Variants in KIF13B observed in about 807,000 individuals in gnomAD.
The protein encoded by KIF13B is kinesin family member 13B.
KIF13B carries 127 observed loss-of-function variants against 222.0 expected under a neutral mutation model. That is an observed-to-expected ratio of 0.57 (90% CI 0.50 to 0.66). KIF13B has a LOEUF of 0.66. Among genes scored for constraint, KIF13B ranks in the 30% least tolerant of loss-of-function variants. The pLI, the probability that KIF13B is intolerant of heterozygous loss-of-function variation, is 0.00. For synonymous variants in KIF13B, 976 were observed against 919.0 expected (o/e 1.06, Z -1.12); for missense variants, 2,173 against 2,379.0 (o/e 0.91, Z 1.80).
chr8:29,228,670 G>T (rs1325485557), intron 2 of KIF13B, among the ~76,000 whole-genome samples: 2 of 151,832 alleles, frequency 1.3e-5, no homozygotes, highest in Non-Finnish European at 2.9e-5. Flanking sequence ...TCTGGGGAAG[G>T]TGCTTGTCTG....
chr8:29,215,624 C>T (rs965516970), intron 2 of KIF13B, among the ~76,000 whole-genome samples: 2 of 152,112 alleles, frequency 1.3e-5, no homozygotes, highest in South Asian at 2.1e-4. Flanking sequence ...CCTAGTAGGT[C>T]GAGGCTGCAG....
intron 2 of KIF13B, among the ~76,000 whole-genome samples, chr8:29,240,180 G>A (rs1815705747): frequency 6.6e-6 from 1 of 151,178 alleles, no homozygotes; most frequent in South Asian, 2.1e-4. Flanking sequence ...TATTTTATAA[G>A]AATAGTGAAA....
At chr8:29,150,267 T>C in intron 15 of KIF13B, 30 bp downstream of exon 15, 1 of 1,215,574 alleles carries the variant, frequency 8.2e-7, no homozygotes, top group Non-Finnish European at 1.2e-6. Context: ...TCTTCAACAA[T>C]CTCTTTAAGG....
At chr8:29,207,746 T>C (rs1169497944) in intron 2 of KIF13B, among the ~76,000 whole-genome samples, 1 of 152,166 alleles carries the variant, frequency 6.6e-6, no homozygotes, top group Non-Finnish European at 1.5e-5. Flanking sequence ...CTTTTCTCTA[T>C]AGAAGAGACC....
At chr8:29,191,272 A>C (rs1813171871) in intron 3 of KIF13B, among the ~76,000 whole-genome samples, 1 of 152,232 alleles carries the variant, frequency 6.6e-6, no homozygotes, top group African/African-American at 2.4e-5. Context: ...ATGTGTAATA[A>C]AATGGCTATT....
Position 29,180,202 on chromosome 8 carries a change from G to A in KIF13B, c.622C>T (p.Arg208Cys), listed in dbSNP as rs769121640. 4 of 1,613,970 alleles carry A rather than the reference G, an allele frequency of 2.5e-6. No individual in the cohort carries two copies. Among genetic ancestry groups the A allele is most frequent in the East Asian group, 2.2e-5 (1 of 44,888 alleles). ...TTCATGTTGGTTGCAGCAACTGTGCGAGATTTGTTACCCTCAGACATCAAC... is the reference window on the plus strand; with the variant it reads ...TTCATGTTGGTTGCAGCAACTGTGCAAGATTTGTTACCCTCAGACATCAAC... ...ESLMSEGNKS[R>C]TVAATNMNEE... is the part of the protein sequence containing the mutation. The change falls in exon 8 of 40, where the codon CGC becomes TGC. Residue 208 changes from arginine to cysteine, a missense_variant. Physicochemically the swap from Arg to Cys is radical, Grantham distance 180. Around this residue, in one of 2 missense-constraint regions of KIF13B, gnomAD observed 1,480 missense variants for 1,722.8 expected, o/e 0.86. Transcript: ENST00000524189.
chr8:29,097,872 T>TA (rs959818792), intron 36 of KIF13B, among the ~76,000 whole-genome samples: 5 of 151,886 alleles, frequency 3.3e-5, no homozygotes, highest in African/African-American at 7.3e-5. Context: ...TATAAGTATT[T>TA]AAAAAATAAG....
At chr8:29,171,184 C>T (rs1239025543) in intron 10 of KIF13B, among the ~76,000 whole-genome samples, 7 of 152,152 alleles carry the variant, frequency 4.6e-5, no homozygotes, top group Non-Finnish European at 2.9e-5. Context: ...AGTTACTTCA[C>T]GTTAAGAGGC....
At chr8:29,127,440 T>A (rs1810162933) in intron 24 of KIF13B, among the ~76,000 whole-genome samples, 172 bp from the exon 25 acceptor site, 4 of 152,220 alleles carry the variant, frequency 2.6e-5, no homozygotes, top group Admixed American at 6.5e-5. Context: ...GGAAAAATCA[T>A]TTCCCTTTTA....
chr8:29,067,553 T>TA lies in KIF13B; in HGVS notation c.*2950dup, dbSNP rs1807053377. The TA allele has an allele frequency of 1.3e-5, 2 of 152,224 alleles. No homozygotes were observed. Among genetic ancestry groups the TA allele is most frequent in the African/African-American group, 2.4e-5 (1 of 41,438 alleles). The allele number at this position is 152,224 out of a possible 1,614,324, so 9.4% of individuals were successfully genotyped here. On this transcript the variant is annotated 3_prime_UTR_variant, in exon 40 of 40. Coordinates refer to ENST00000524189, the MANE Select transcript of KIF13B (RefSeq NM_015254.4). ...CTGTTCCAAGACCCCCCAACACCATTAGTGTCTGCAGCCCACCAGGAAGGC... is the reference window on the plus strand; with the variant it reads ...CTGTTCCAAGACCCCCCAACACCATTAAGTGTCTGCAGCCCACCAGGAAGGC...
chr8:29,134,995 A>G (rs1810495257), intron 21 of KIF13B, among the ~76,000 whole-genome samples: 1 of 152,190 alleles, frequency 6.6e-6, no homozygotes. Flanking sequence ...AATGCCTATA[A>G]CAGTTTCTAA....
intron 18 of KIF13B, 40 bp from the exon 19 acceptor site, chr8:29,142,343 C>T: frequency 1.9e-6 from 3 of 1,574,058 alleles, no homozygotes; most frequent in Non-Finnish European, 2.6e-6. Flanking sequence ...AACACACAGG[C>T]AGCGGGGAAG....
chr8:29,090,362 G>C (rs981620613), intron 37 of KIF13B, among the ~76,000 whole-genome samples: 1 of 152,174 alleles, frequency 6.6e-6, no homozygotes, highest in Admixed American at 6.5e-5. Context: ...AAGGAAACAG[G>C]TTTAAAAACA....
At chr8:29,141,665 T>A (rs932613463) in intron 19 of KIF13B, among the ~76,000 whole-genome samples, 1 of 152,168 alleles carries the variant, frequency 6.6e-6, no homozygotes, top group Non-Finnish European at 1.5e-5. Context: ...AAGGACAGAG[T>A]ACCAATGTAT....
At chr8:29,115,632 T>C (rs1221284472) in intron 31 of KIF13B, among the ~76,000 whole-genome samples, 1 of 152,080 alleles carries the variant, frequency 6.6e-6, no homozygotes, top group Non-Finnish European at 1.5e-5. Flanking sequence ...GGCCTTAAAT[T>C]CTTACCTAGA....
chr8:29,068,275 A>G lies in KIF13B; in HGVS notation c.*2229T>C, dbSNP rs925637007. On this transcript the variant is annotated 3_prime_UTR_variant, in exon 40 of 40. Coordinates refer to ENST00000524189, the MANE Select transcript of KIF13B (RefSeq NM_015254.4). This position sits in a 1 kb window ranked among gnomAD's most constrained non-coding sequence, Gnocchi z 4.4. ...CTGGTCAGGGAGGCAAGAAAAGAAGATAGAAGACGGAGGCCAGCCCGCCCT... is the reference window on the plus strand; with the variant it reads ...CTGGTCAGGGAGGCAAGAAAAGAAGGTAGAAGACGGAGGCCAGCCCGCCCT... 6.6e-6 allele frequency: 1 copy of G among 152,260 alleles called. No individual in the cohort carries two copies. The highest frequency in any genetic ancestry group is 1.5e-5 in the Non-Finnish European group (1 of 68,148). The allele number at this position is 152,260 out of a possible 1,614,324, so 9.4% of individuals were successfully genotyped here.
In KIF13B at chr8:29,228,372, C is replaced by T. The variant is rs570160680; in HGVS notation, c.149+16974G>A. 4.0e-3 allele frequency among the ~76,000 whole-genome samples: 606 copies of T among 150,922 alleles called. 5 individuals are homozygous for T. The highest frequency in any genetic ancestry group is 0.013 in the African/African-American group (554 of 41,136). ...ATCCCAGCTACTCAGGAGGCTGAGG[C>T]AAGAGAATAGCGTGAACCCAGGATG... On this transcript the variant is annotated intron_variant, in intron 2 of 39. Coordinates refer to ENST00000524189, the MANE Select transcript of KIF13B (RefSeq NM_015254.4).
intron 2 of KIF13B, among the ~76,000 whole-genome samples, chr8:29,243,684 A>G (rs1380331483): frequency 4.6e-5 from 7 of 152,090 alleles, no homozygotes; most frequent in Admixed American, 3.9e-4. Context: ...AAAGAAAAAA[A>G]AGAAAAACTA....
At chr8:29,129,704 G>T (rs1384626728) in intron 24 of KIF13B, among the ~76,000 whole-genome samples, 2 of 151,934 alleles carry the variant, frequency 1.3e-5, no homozygotes, top group African/African-American at 2.4e-5. Context: ...CCCTCTCACT[G>T]TTAGTTGGCA....
Sources: allele counts gnomAD v4.1 joint callset (sites outside exome capture counted in the v4.1 genomes callset), GRCh38; gene constraint gnomAD v4.1.1; regional missense constraint gnomAD v4.1.1; non-coding constraint Gnocchi (gnomAD v3.1); transcripts MANE v1.5; gene names NCBI Gene and HGNC (gene_info 2026-07-23, HGNC 2026-07-21).